CTNNA3: variants seen among roughly 807,000 people sequenced by gnomAD.
CTNNA3 encodes catenin alpha 3, also known as catenin alpha-3.
A neutral mutation model predicts 95.7 loss-of-function variants in CTNNA3; 76 were observed. That is an observed-to-expected ratio of 0.79 (90% CI 0.66 to 0.96). The LOEUF is 0.96. Among genes scored for constraint, CTNNA3 ranks in the 40% least tolerant of loss-of-function variants. The probability of loss-of-function intolerance (pLI) is 0.00; values close to 1 mark genes in which losing one functional copy is unlikely to be tolerated. For synonymous variants in CTNNA3, 431 were observed against 374.4 expected (o/e 1.15, Z -1.74); for missense variants, 1,191 against 1,089.8 (o/e 1.09, Z -1.31).
chr10:66,916,033 A>T (rs1846476066), intron 7 of CTNNA3, among the ~76,000 whole-genome samples: 1 of 152,116 alleles, frequency 6.6e-6, no homozygotes, highest in African/African-American at 2.4e-5. Context: ...ACAGGTTTGA[A>T]CTACTGTGCC....
At chr10:67,573,275 A>C (rs1388806212) in intron 3 of CTNNA3, among the ~76,000 whole-genome samples, 1 of 152,096 alleles carries the variant, frequency 6.6e-6, no homozygotes, top group Non-Finnish European at 1.5e-5. Context: ...AACCCCCAAA[A>C]AAAATTTCCT....
At chr10:66,893,897 AC>A (rs1332953831) in intron 7 of CTNNA3, among the ~76,000 whole-genome samples, 6 of 152,148 alleles carry the variant, frequency 3.9e-5, no homozygotes, top group African/African-American at 1.4e-4. Flanking sequence ...CAATAGCAGC[AC>A]AATTTTTCTC....
At chr10:66,344,245 C>G (rs1339558529) in intron 12 of CTNNA3, among the ~76,000 whole-genome samples, 1 of 141,088 alleles carries the variant, frequency 7.1e-6, no homozygotes, top group African/African-American at 2.6e-5. Context: ...AAAAAATTGA[C>G]TGCAATGTGT....
At chr10:67,600,102 C>A (rs1046388540) in intron 3 of CTNNA3, among the ~76,000 whole-genome samples, 8 of 151,942 alleles carry the variant, frequency 5.3e-5, no homozygotes, top group Non-Finnish European at 1.2e-4. Flanking sequence ...AAGAAAAAAA[C>A]AGTTTATTCA....
chr10:66,714,499 C>A (rs1848392912), intron 9 of CTNNA3, among the ~76,000 whole-genome samples: 1 of 152,150 alleles, frequency 6.6e-6, no homozygotes, highest in South Asian at 2.1e-4. Flanking sequence ...TCACTGCTTC[C>A]ATAAAACTCC....
intron 13 of CTNNA3, among the ~76,000 whole-genome samples, chr10:66,167,164 A>T (rs959379370): frequency 2.6e-5 from 4 of 152,214 alleles, no homozygotes; most frequent in African/African-American, 9.7e-5. Flanking sequence ...GACATAGGAC[A>T]CTGTGCTGTA....
chr10:66,480,487 G>T lies in CTNNA3; in HGVS notation c.1531+40130C>A, dbSNP rs142222074. Among the ~76,000 whole-genome samples, 29 of 151,850 alleles carry T rather than the reference G, an allele frequency of 1.9e-4. No homozygotes were observed. In the East Asian group the frequency reaches 5.6e-3, roughly 29 times the overall value. ...TATTTAACTAGTCATTTATTCTTTC[G>T]ACAAATAGGCACTGGATATATGTCA... On this transcript the variant is annotated intron_variant, in intron 11 of 17. Coordinates refer to ENST00000433211, the MANE Select transcript of CTNNA3 (RefSeq NM_013266.4).
intron 7 of CTNNA3, among the ~76,000 whole-genome samples, chr10:67,081,673 C>A (rs532906152): frequency 1.6e-4 from 25 of 152,254 alleles, no homozygotes; most frequent in African/African-American, 4.8e-4. Flanking sequence ...TTTGCTCCTG[C>A]CATTTTGAGT....
intron 13 of CTNNA3, among the ~76,000 whole-genome samples, chr10:66,133,287 G>A (rs1255295680): frequency 6.6e-6 from 1 of 152,148 alleles, no homozygotes; most frequent in Non-Finnish European, 1.5e-5. Context: ...GGCCAAGACA[G>A]GTGGATTACT....
At chr10:66,517,863 C>T (rs1840919383) in intron 11 of CTNNA3, among the ~76,000 whole-genome samples, 1 of 152,034 alleles carries the variant, frequency 6.6e-6, no homozygotes, top group Non-Finnish European at 1.5e-5. Flanking sequence ...GAGCAGTCCA[C>T]CATGGGCATA....
At chr10:67,726,644 ATAC>A (rs1263594946) in intron 1 of CTNNA3, among the ~76,000 whole-genome samples, 4 of 85,558 alleles carry the variant, frequency 4.7e-5, no homozygotes, top group African/African-American at 1.5e-4. Flanking sequence ...TATATAATAT[ATAC>A]TATAATATAT....
rs1589534984 is a variant in CTNNA3 at position 67,651,391 on chromosome 10, C to T, written c.-5-3873G>A. Among the ~76,000 whole-genome samples the T allele has an allele frequency of 2.0e-5, 3 of 152,186 alleles. No homozygotes were observed. In the South Asian group the frequency reaches 6.2e-4, roughly 32 times the overall value. On this transcript the variant is annotated intron_variant, in intron 1 of 17. Coordinates refer to ENST00000433211, the MANE Select transcript of CTNNA3 (RefSeq NM_013266.4). Reference sequence around the variant, plus strand: ...TATTTTGTCTTCCTAACACCTTATCCTGTAGAATATGGACTTTTATTCCTG... The same window carrying T: ...TATTTTGTCTTCCTAACACCTTATCTTGTAGAATATGGACTTTTATTCCTG...
Position 66,195,172 on chromosome 10 carries a change from G to A in CTNNA3, c.1884+85298C>T, listed in dbSNP as rs546065757. ...TGTCACTGCAACTAGATATCACTGG[G>A]ATTTAGAGAACAGATCAAGAGCTTC... is the stretch of plus-strand genomic sequence containing the variant. On this transcript the variant is annotated intron_variant, in intron 13 of 17. Coordinates refer to ENST00000433211, the MANE Select transcript of CTNNA3 (RefSeq NM_013266.4). Among the ~76,000 whole-genome samples the A allele has an allele frequency of 9.9e-5, 15 of 151,938 alleles. No individual in the cohort carries two copies. In the South Asian group the frequency reaches 3.1e-3, roughly 31 times the overall value.
chr10:67,507,285 T>G (rs1223643702), intron 5 of CTNNA3, among the ~76,000 whole-genome samples: 4 of 151,912 alleles, frequency 2.6e-5, no homozygotes, highest in African/African-American at 9.7e-5. Context: ...ATCCCAGCAC[T>G]TTGGGAGGCC....
At chr10:66,727,387 ACT>A (rs1192436144) in intron 9 of CTNNA3, among the ~76,000 whole-genome samples, 3 of 152,020 alleles carry the variant, frequency 2.0e-5, no homozygotes, top group African/African-American at 4.8e-5. Context: ...ATAGTTTATT[ACT>A]CTTTTAAACT....
At chr10:66,058,754 G>T (rs1160113846) in intron 15 of CTNNA3, among the ~76,000 whole-genome samples, 1 of 152,196 alleles carries the variant, frequency 6.6e-6, no homozygotes, top group Admixed American at 6.5e-5. Context: ...TAGTTAGCTG[G>T]CTCATCAAAA....
intron 1 of CTNNA3, among the ~76,000 whole-genome samples, chr10:67,685,794 C>T (rs1840720217): frequency 2.0e-5 from 3 of 152,100 alleles, no homozygotes. Flanking sequence ...CTTCATCTGT[C>T]TGTCTCTTTC....
rs1841208769 is a variant in CTNNA3, at chr10:67,319,349, T to C, written c.580-99479A>G. On this transcript the variant is annotated intron_variant, in intron 5 of 17. Transcript: ENST00000433211. Reference sequence around the variant, plus strand: ...TGTGAGTAAAACCATATACAAGTCCTGTGAGTCCTCCTAGCAAGTCATAGG... The same window carrying C: ...TGTGAGTAAAACCATATACAAGTCCCGTGAGTCCTCCTAGCAAGTCATAGG... Among the ~76,000 whole-genome samples, 3 of 152,270 alleles carry C rather than the reference T, an allele frequency of 2.0e-5. No homozygotes were observed. The South Asian group carries it at 6.2e-4, about 32-fold the overall frequency.
chr10:66,596,026 G>A lies in CTNNA3; in HGVS notation c.1374+25666C>T, dbSNP rs145406426. Among the ~76,000 whole-genome samples the A allele has an allele frequency of 1.3e-4, 19 of 151,918 alleles. No individual in the cohort carries two copies. In the East Asian group the frequency reaches 2.9e-3, roughly 23 times the overall value. ...TGACTCAATAACTCAACTGACCCTC[G>A]TCCTACAATTTCTCTCATGAAGAAA... is the stretch of plus-strand genomic sequence containing the variant. On this transcript the variant is annotated intron_variant, in intron 10 of 17. Transcript: ENST00000433211.
Sources: allele counts gnomAD v4.1 joint callset (sites outside exome capture counted in the v4.1 genomes callset), GRCh38; gene constraint gnomAD v4.1.1; transcripts MANE v1.5; gene names NCBI Gene and HGNC (gene_info 2026-07-23, HGNC 2026-07-21).